Variants in RSPH14 observed in about 807,000 individuals in gnomAD.
RSPH14 encodes rhabdoid tumor deletion region gene 1.
RSPH14 carries 20 observed loss-of-function variants against 26.7 expected under a neutral mutation model. The observed-to-expected ratio is 0.75, with a 90% CI of 0.53 to 1.09. The LOEUF (loss-of-function observed/expected upper bound fraction) is 1.09. Among genes scored for constraint, RSPH14 ranks in the 50% least tolerant of loss-of-function variants. The pLI is 0.00. For synonymous variants in RSPH14, 177 were observed against 189.3 expected (o/e 0.93, Z 0.53); for missense variants, 449 against 457.2 (o/e 0.98, Z 0.16).
the RSPH14 span, among the ~76,000 whole-genome samples, chr22:23,168,089 C>T: frequency 3.9e-5 from 6 of 152,158 alleles, no homozygotes; most frequent in African/African-American, 1.4e-4. Context: ...CTTGTTCATG[C>T]ATTCAGCTTT....
chr22:23,082,900 C>G (rs1360545267), intron 4 of RSPH14, among the ~76,000 whole-genome samples: 2 of 152,102 alleles, frequency 1.3e-5, no homozygotes, highest in Non-Finnish European at 2.9e-5. Context: ...AGTGTCTTCC[C>G]CCCAAACCTT....
intron 4 of RSPH14, among the ~76,000 whole-genome samples, chr22:23,100,425 G>A (rs2069264275): frequency 6.6e-6 from 1 of 152,242 alleles, no homozygotes; most frequent in Non-Finnish European, 1.5e-5. Flanking sequence ...AGAGACAGCT[G>A]GTCAACATGT....
chr22:23,065,931 T>C, intron 4 of RSPH14, among the ~76,000 whole-genome samples: 1 of 152,292 alleles, frequency 6.6e-6, no homozygotes, highest in Admixed American at 6.5e-5. Context: ...GGCCTGATCC[T>C]CTCTCTCTCG....
chr22:23,089,759 CG>C (rs1196251113), intron 4 of RSPH14, among the ~76,000 whole-genome samples: 1 of 152,140 alleles, frequency 6.6e-6, no homozygotes, highest in Non-Finnish European at 1.5e-5. Context: ...AGGAAGCAAG[CG>C]GCCCTCAGCA....
At chr22:23,152,378 A>G in the RSPH14 span, 1 of 1,408,752 alleles carries the variant, frequency 7.1e-7, no homozygotes, top group East Asian at 2.3e-5. Flanking sequence ...ACCAGCAGAG[A>G]GCTCAGGGAA....
chr22:23,157,962 ATTGGCTG>A, the RSPH14 span: 1 of 1,613,984 alleles, frequency 6.2e-7, no homozygotes, highest in South Asian at 1.1e-5. Flanking sequence ...CCTGGCACTG[ATTGGCTG>A]TTGGCTTTTT....
At chr22:23,082,270 G>A (rs2068703465) in intron 4 of RSPH14, among the ~76,000 whole-genome samples, 1 of 150,350 alleles carries the variant, frequency 6.7e-6, no homozygotes, top group Non-Finnish European at 1.5e-5. Flanking sequence ...AGGCTGGAGT[G>A]TAATGGCGCG....
chr22:23,176,159 G>A, the RSPH14 span, among the ~76,000 whole-genome samples: 104 of 152,306 alleles, frequency 6.8e-4, no homozygotes, highest in Admixed American at 2.9e-3. Context: ...TGGGCTATGC[G>A]GACCTGAAGC....
intron 4 of RSPH14, among the ~76,000 whole-genome samples, chr22:23,065,067 G>A (rs930904302): frequency 1.3e-5 from 2 of 152,164 alleles, no homozygotes; most frequent in African/African-American, 2.4e-5. Context: ...ACAGCCCCCA[G>A]GGAGGTGGCC....
the RSPH14 span, chr22:23,180,303 T>G: frequency 5.6e-6 from 1 of 179,032 alleles, no homozygotes; most frequent in Admixed American, 6.2e-5. Flanking sequence ...ACCCCTGGGC[T>G]GCGAGTTGCA....
intron 4 of RSPH14, among the ~76,000 whole-genome samples, chr22:23,119,703 G>A (rs926053510): frequency 3.3e-5 from 5 of 152,216 alleles, no homozygotes; most frequent in Non-Finnish European, 4.4e-5. Flanking sequence ...GATGGAGTGA[G>A]GCGGCAAGCT....
At chr22:23,069,549 C>T (rs1268419749) in intron 4 of RSPH14, among the ~76,000 whole-genome samples, 1 of 152,188 alleles carries the variant, frequency 6.6e-6, no homozygotes, top group Non-Finnish European at 1.5e-5. Flanking sequence ...ACCAGCTTCC[C>T]AAAAGCGCCA....
intron 3 of RSPH14, among the ~76,000 whole-genome samples, chr22:23,136,650 C>T (rs13054889): frequency 0.31 from 43,209 of 137,354 alleles, 12,786 homozygotes; most frequent in Middle Eastern, 0.45. Context: ...AAAGTAATTG[C>T]GGTTTTTACC....
intron 4 of RSPH14, among the ~76,000 whole-genome samples, chr22:23,065,073 T>C (rs2068177493): frequency 6.6e-6 from 1 of 151,956 alleles, no homozygotes; most frequent in African/African-American, 2.4e-5. Flanking sequence ...CCCAGGGAGG[T>C]GGCCACCAGA....
the RSPH14 span, among the ~76,000 whole-genome samples, chr22:23,173,347 G>A: frequency 4.6e-5 from 7 of 152,066 alleles, no homozygotes; most frequent in Non-Finnish European, 7.4e-5. Flanking sequence ...TGTTAGCCAG[G>A]ATGATCTCGA....
intron 4 of RSPH14, 137 bp from the exon 5 acceptor site, chr22:23,064,270 C>A: frequency 1.3e-6 from 1 of 742,864 alleles, no homozygotes; most frequent in Non-Finnish European, 2.2e-6. Flanking sequence ...GTGCCACCCC[C>A]ACACACACGT....
chr22:23,157,053 G>T, the RSPH14 span, among the ~76,000 whole-genome samples: 1 of 152,190 alleles, frequency 6.6e-6, no homozygotes, highest in Non-Finnish European at 1.5e-5. Flanking sequence ...TGCCTGGAAT[G>T]TTCTCCACAT....
chr22:23,078,281 C>T (rs1417961194), intron 4 of RSPH14, among the ~76,000 whole-genome samples: 1 of 152,244 alleles, frequency 6.6e-6, no homozygotes, highest in Non-Finnish European at 1.5e-5. Flanking sequence ...CTCTCTTTGT[C>T]CTCGGCCAAA....
intron 4 of RSPH14, among the ~76,000 whole-genome samples, chr22:23,098,525 G>A (rs140064002): frequency 6.6e-6 from 1 of 152,362 alleles, no homozygotes; most frequent in Non-Finnish European, 1.5e-5. Context: ...GGATCCCTGT[G>A]AGGTTCCAGG....
Sources: allele counts gnomAD v4.1 joint callset (sites outside exome capture counted in the v4.1 genomes callset), GRCh38; gene constraint gnomAD v4.1.1; transcripts MANE v1.5; gene names NCBI Gene and HGNC (gene_info 2026-07-23, HGNC 2026-07-21).